TBC1D19: variants seen among roughly 807,000 people sequenced by gnomAD.
TBC1D19 encodes TBC1 domain family member 19.
A neutral mutation model predicts 89.0 loss-of-function variants in TBC1D19; 60 were observed. The observed-to-expected ratio is 0.67, with a 90% CI of 0.55 to 0.84. The LOEUF (loss-of-function observed/expected upper bound fraction) is 0.84. TBC1D19 is among the 40% of genes least tolerant of loss of function. The pLI, the probability that TBC1D19 is intolerant of heterozygous loss-of-function variation, is 0.00. For synonymous variants in TBC1D19, 189 were observed against 199.7 expected (o/e 0.95, Z 0.45); for missense variants, 500 against 610.8 (o/e 0.82, Z 1.91).
chr4:26,734,290 C>T (rs754822619), intron 15 of TBC1D19, among the ~76,000 whole-genome samples: 1 of 152,146 alleles, frequency 6.6e-6, no homozygotes, highest in Non-Finnish European at 1.5e-5. Context: ...TATTAGAACT[C>T]ACTCTATATG....
intron 19 of TBC1D19, among the ~76,000 whole-genome samples, chr4:26,751,157 A>G (rs185956471): frequency 5.5e-4 from 84 of 152,306 alleles, no homozygotes; most frequent in Admixed American, 4.9e-3. Flanking sequence ...CAAACCAAAC[A>G]TGAGGCAGAT....
At chr4:26,703,366 C>T (rs993718068) in intron 13 of TBC1D19, among the ~76,000 whole-genome samples, 1 of 151,826 alleles carries the variant, frequency 6.6e-6, no homozygotes, top group Non-Finnish European at 1.5e-5. Context: ...TCTGTTTTTT[C>T]CTTTCAGAAA....
At chr4:26,608,154 C>G (rs1010076412) in intron 1 of TBC1D19, among the ~76,000 whole-genome samples, 3 of 152,100 alleles carry the variant, frequency 2.0e-5, no homozygotes, top group African/African-American at 7.2e-5. Flanking sequence ...ATAAAAATTT[C>G]CAAGTCTGCT....
the TBC1D19 span, among the ~76,000 whole-genome samples, chr4:26,819,497 T>C: frequency 5.9e-5 from 9 of 152,208 alleles, no homozygotes; most frequent in Non-Finnish European, 1.0e-4. Context: ...TCTCATCATC[T>C]CTACCACATA....
chr4:26,844,883 T>C, the TBC1D19 span, among the ~76,000 whole-genome samples: 2 of 152,226 alleles, frequency 1.3e-5, no homozygotes, highest in African/African-American at 4.8e-5. Context: ...TCAGGTGTTA[T>C]AAACCACAGT....
chr4:26,752,929 G>A (rs1719051743), intron 19 of TBC1D19, among the ~76,000 whole-genome samples: 1 of 152,166 alleles, frequency 6.6e-6, no homozygotes, highest in Admixed American at 6.5e-5. Flanking sequence ...AGTTAGCTGG[G>A]ACTACAGGTG....
At chr4:26,740,795 T>C in intron 17 of TBC1D19, 7 of 985,390 alleles carry the variant, frequency 7.1e-6, no homozygotes, top group Non-Finnish European at 8.4e-6. Flanking sequence ...GGCAACTGTA[T>C]TATTGCTATG....
At chr4:26,641,057 CAG>C (rs1481777651) in intron 7 of TBC1D19, among the ~76,000 whole-genome samples, 4 of 152,226 alleles carry the variant, frequency 2.6e-5, no homozygotes, top group African/African-American at 9.6e-5. Context: ...GTGGTTCTCC[CAG>C]CACAGTGTTT....
chr4:26,673,748 A>G lies in TBC1D19; in HGVS notation c.704-28A>G, dbSNP rs765456862. The G allele has an allele frequency of 2.7e-6, 4 of 1,455,022 alleles. No homozygotes were observed. The East Asian group carries it at 9.1e-5, about 33-fold the overall frequency. The allele number at this position is 1,455,022 out of a possible 1,614,324, so 90.1% of individuals were successfully genotyped here. On this transcript the variant is annotated intron_variant, in intron 10 of 20. Coordinates refer to ENST00000264866, the MANE Select transcript of TBC1D19 (RefSeq NM_018317.4). ...GATGTTTCTTACATTCTGAGTTTTC[A>G]AAGGAGATTTTCATATACTTTTGAT...
intron 8 of TBC1D19, among the ~76,000 whole-genome samples, chr4:26,661,481 G>A (rs1430018459): frequency 6.6e-6 from 1 of 152,106 alleles, no homozygotes; most frequent in Non-Finnish European, 1.5e-5. Context: ...TGCCGACAGA[G>A]CTTCCAGTCA....
chr4:26,840,191 C>T, the TBC1D19 span, among the ~76,000 whole-genome samples: 5 of 152,218 alleles, frequency 3.3e-5, no homozygotes, highest in East Asian at 1.9e-4. Flanking sequence ...AAGTGATTCT[C>T]CTGCCTCAGC....
the TBC1D19 span, among the ~76,000 whole-genome samples, chr4:26,813,239 A>G: frequency 6.6e-6 from 1 of 152,144 alleles, no homozygotes; most frequent in Non-Finnish European, 1.5e-5. Flanking sequence ...TGACAGAGAA[A>G]GACCCTGTCT....
In TBC1D19 at chr4:26,693,296, C is replaced by T. The variant is rs116576302; in HGVS notation, c.954+4889C>T. ...CAAATAAGCAAATAACAATCATGAG[C>T]CCCAGCTGCTTGTAAGATGGCTTAG... On this transcript the variant is annotated intron_variant, in intron 13 of 20. Coordinates refer to ENST00000264866, the MANE Select transcript of TBC1D19 (RefSeq NM_018317.4). 6.4e-3 allele frequency among the ~76,000 whole-genome samples: 977 copies of T among 152,150 alleles called. 9 individuals carry two copies. The highest frequency in any genetic ancestry group is 0.023 in the African/African-American group (936 of 41,484).
chr4:26,643,788 A>G (rs1003008318), intron 7 of TBC1D19, among the ~76,000 whole-genome samples: 1 of 152,228 alleles, frequency 6.6e-6, no homozygotes, highest in Non-Finnish European at 1.5e-5. Context: ...ATCAGAGAAT[A>G]CTATAAACAC....
the TBC1D19 span, among the ~76,000 whole-genome samples, chr4:26,825,346 C>T: frequency 1.9e-4 from 29 of 152,322 alleles, no homozygotes; most frequent in African/African-American, 7.0e-4. Context: ...ATCCGCCTGC[C>T]TTGGCCTCCC....
downstream of TBC1D19, among the ~76,000 whole-genome samples, chr4:26,757,756 TC>T (rs1321825896): frequency 1.3e-5 from 2 of 152,080 alleles, no homozygotes; most frequent in Non-Finnish European, 2.9e-5. Context: ...GCTTTTTCTC[TC>T]CCCCCAGATT....
the TBC1D19 span, among the ~76,000 whole-genome samples, chr4:26,800,115 C>T: frequency 6.6e-6 from 1 of 152,108 alleles, no homozygotes; most frequent in African/African-American, 2.4e-5. Flanking sequence ...ATTGACTCGT[C>T]ATTTAGCATT....
chr4:26,683,537 A>G, intron 11 of TBC1D19, 138 bp from the exon 12 acceptor site: 1 of 552,150 alleles, frequency 1.8e-6, no homozygotes, highest in African/African-American at 1.9e-5. Flanking sequence ...ACTATTAGTC[A>G]GGCATGAGGG....
intron 9 of TBC1D19, among the ~76,000 whole-genome samples, chr4:26,671,339 T>C (rs1459142266): frequency 6.6e-6 from 1 of 151,822 alleles, no homozygotes; most frequent in Non-Finnish European, 1.5e-5. Flanking sequence ...ACTCCTTTTG[T>C]GAAGAGCCTC....
Sources: gnomAD v4.1 joint callset for allele counts (sites outside exome capture counted in the v4.1 genomes callset) on GRCh38, gnomAD v4.1.1 for gene constraint, MANE v1.5 for transcripts, NCBI Gene and HGNC (gene_info 2026-07-23, HGNC 2026-07-21) for gene names.